Variants in SKA3 observed in about 807,000 individuals in gnomAD.
SKA3 encodes spindle and kinetochore-associated protein 3.
In SKA3, 39 loss-of-function variants were observed where a neutral mutation model predicts 44.2. The observed-to-expected ratio is 0.88, with a 90% CI of 0.68 to 1.15. SKA3 has a LOEUF of 1.15. SKA3 is among the 50% of genes most tolerant of loss of function. The pLI is 0.00. For synonymous variants in SKA3, 192 were observed against 172.0 expected (o/e 1.12, Z -0.91); for missense variants, 511 against 485.8 (o/e 1.05, Z -0.49).
rs1431661296 is a variant in SKA3 at position 21,176,463 on chromosome 13, C to T, written c.15G>A (p.Arg5=). Residue 5 remains arginine, a synonymous_variant, in exon 1 of 9, where the codon CGG becomes CGA. Transcript: ENST00000314759. MDPI[R]SFCGKLRSLA... ...GAGACCGCAGCTTCCCGCAGAAGCTCCGGATAGGGTCCATGCTGAGCACAG... is the reference window on the plus strand; with the variant it reads ...GAGACCGCAGCTTCCCGCAGAAGCTTCGGATAGGGTCCATGCTGAGCACAG... The T allele has an allele frequency of 1.9e-6, 3 of 1,572,220 alleles. No homozygotes were observed. The Admixed American group carries it at 5.5e-5, about 29-fold the overall frequency.
chr13:21,176,503 A>G lies in SKA3; in HGVS notation c.-26T>C. On this transcript the variant is annotated 5_prime_UTR_variant, in exon 1 of 9. Transcript: ENST00000314759. ...GCTGAGCACAGCGGGGAAGGACTCC[A>G]GGCGTACGCAGACCCCACCGCTCAG... is the stretch of plus-strand genomic sequence containing the variant. The G allele has an allele frequency of 1.4e-6, 2 of 1,460,028 alleles. No homozygotes were observed. Among genetic ancestry groups the G allele is most frequent in the African/African-American group, 1.5e-5 (1 of 67,950 alleles). 90.4% of individuals were successfully genotyped at this position (1,460,028 alleles called of 1,614,324 possible). A position where few individuals can be genotyped will look rare whatever the true frequency, so the allele number is the denominator to read the frequency against.
At position 21,168,360 on chromosome 13, in the gene SKA3, G is replaced by C. The variant is rs1342346913; in HGVS notation, c.371C>G (p.Ser124Cys). ...QEAINSDPEL[S>C]NCENFQKTDV... ...AGTCTTCTGAAAATTTTCACAATTA[G>C]ACAACTCTGGGTCAGAGTTAATGGC... Residue 124 changes from serine to cysteine, a missense_variant, in exon 4 of 9, where the codon TCT (serine) becomes TGT (cysteine). Transcript: ENST00000314759. 3 of 1,613,730 alleles carry C rather than the reference G, an allele frequency of 1.9e-6. No homozygotes were observed. The highest frequency in any genetic ancestry group is 2.5e-6 in the Non-Finnish European group (3 of 1,179,902).
chr13:21,157,326 A>C (rs1398368493), intron 7 of SKA3, among the ~76,000 whole-genome samples: 1 of 152,232 alleles, frequency 6.6e-6, no homozygotes, highest in Non-Finnish European at 1.5e-5. Context: ...CAGTACTTAC[A>C]CAAACCTAGA....
chr13:21,175,497 C>G (rs1367417242), intron 1 of SKA3, among the ~76,000 whole-genome samples: 1 of 150,488 alleles, frequency 6.6e-6, no homozygotes, highest in Non-Finnish European at 1.5e-5. Flanking sequence ...AGAATGGTCT[C>G]GATCTCCTGA....
At chr13:21,155,275 T>G in intron 8 of SKA3, 125 bp from the exon 9 acceptor site, 1 of 718,810 alleles carries the variant, frequency 1.4e-6, no homozygotes, top group Non-Finnish European at 2.2e-6. Flanking sequence ...CCCACTGATA[T>G]CATTAAACTG....
At chr13:21,157,563 A>G (rs1281520245) in intron 7 of SKA3, among the ~76,000 whole-genome samples, 6 of 152,224 alleles carry the variant, frequency 3.9e-5, no homozygotes, top group African/African-American at 9.6e-5. Flanking sequence ...GCAGCACATG[A>G]CTATATTCTA....
intron 5 of SKA3, among the ~76,000 whole-genome samples, chr13:21,160,728 G>C (rs1020247331): frequency 3.3e-5 from 5 of 152,108 alleles, no homozygotes; most frequent in African/African-American, 1.2e-4. Flanking sequence ...TCTACTCCTA[G>C]ATATGAGAAA....
chr13:21,167,348 C>CT (rs1054316830), intron 4 of SKA3, among the ~76,000 whole-genome samples: 72 of 152,120 alleles, frequency 4.7e-4, no homozygotes, highest in Admixed American at 8.5e-4. Flanking sequence ...CTACAAATAT[C>CT]TTTTTTTCAG....
chr13:21,167,815 C>T (rs1482895904), intron 4 of SKA3, among the ~76,000 whole-genome samples, 173 bp downstream of exon 4: 1 of 147,358 alleles, frequency 6.8e-6, no homozygotes, highest in Non-Finnish European at 1.5e-5. Context: ...ATTGATGTAA[C>T]CAAACACCAT....
chr13:21,161,974 T>C (rs893330684), intron 4 of SKA3, 99 bp from the exon 5 acceptor site: 28 of 624,912 alleles, frequency 4.5e-5, no homozygotes, highest in Non-Finnish European at 6.5e-5. Context: ...TGGACAAACA[T>C]TCAGTTATGC....
chr13:21,156,697 T>C (rs992923870), intron 7 of SKA3, among the ~76,000 whole-genome samples: 2 of 152,196 alleles, frequency 1.3e-5, no homozygotes, highest in African/African-American at 4.8e-5. Flanking sequence ...CATCTGAGTA[T>C]TTTCCGAAGT....
intron 1 of SKA3, among the ~76,000 whole-genome samples, chr13:21,172,992 G>C (rs1265208674): frequency 2.0e-5 from 3 of 152,186 alleles, no homozygotes; most frequent in African/African-American, 7.2e-5. Flanking sequence ...ATCTACGTTT[G>C]TGTTACATAT....
chr13:21,165,602 TTTC>T (rs1287487532), intron 4 of SKA3, among the ~76,000 whole-genome samples: 2 of 152,104 alleles, frequency 1.3e-5, no homozygotes, highest in Non-Finnish European at 2.9e-5. Flanking sequence ...CACAGAAATA[TTTC>T]TTATTTCCTA....
At chr13:21,172,597 A>G (rs1395084834) in intron 2 of SKA3, 23 bp downstream of exon 2, 1 of 1,546,726 alleles carries the variant, frequency 6.5e-7, no homozygotes, top group Non-Finnish European at 8.7e-7. Flanking sequence ...AAAAATAATA[A>G]ATCAATATTG....
rs1385533563 is a variant in SKA3 at position 21,159,958 on chromosome 13, G to A, written c.859C>T (p.Pro287Ser). 1 of 1,607,290 alleles carries A rather than the reference G, an allele frequency of 6.2e-7. No homozygotes were observed. The highest frequency in any genetic ancestry group is 8.5e-7 in the Non-Finnish European group (1 of 1,177,420). ...TTCAAACCAGGAGTACAGAATGTAG[G>A]TACCAAAGGAGAGTTGGTATATTCG... ...DAEYTNSPLV[P>S]TFCTPGLKIP... The change falls in exon 6 of 9, where the codon CCT (proline) becomes TCT (serine). Residue 287 changes from proline to serine, a missense_variant. By Grantham distance (74) the Pro-to-Ser change is moderately conservative. Transcript: ENST00000314759.
chr13:21,155,880 T>G (rs1230987105), intron 7 of SKA3, 69 bp from the exon 8 acceptor site: 1 of 801,002 alleles, frequency 1.2e-6, no homozygotes, highest in African/African-American at 1.7e-5. Context: ...TTGGAAGAAG[T>G]TACAAAATGT....
rs1355061041 is a variant in SKA3 at position 21,157,037 on chromosome 13, G to A, written c.1119+885C>T. Among the ~76,000 whole-genome samples the A allele has an allele frequency of 4.5e-3, 15 of 3,322 alleles. 6 individuals are homozygous for A. The highest frequency in any genetic ancestry group is 7.4e-3 in the African/African-American group (14 of 1,888). The allele number at this position is 3,322 out of a possible 152,430, so 2.2% of individuals were successfully genotyped here. ...ATTGCGCCACTGCAGTCCGCAGTCC[G>A]ACCTGGGCGACAGAGCGAGACTCCG... On this transcript the variant is annotated intron_variant, in intron 7 of 8. Coordinates refer to ENST00000314759, the MANE Select transcript of SKA3 (RefSeq NM_145061.6).
At position 21,168,518 on chromosome 13, in the gene SKA3, A is replaced by T. The variant is rs1870863825; in HGVS notation, c.332-119T>A. The T allele has an allele frequency of 3.4e-5, 30 of 874,314 alleles. No individual in the cohort carries two copies. The Middle Eastern group carries it at 1.9e-3, about 54-fold the overall frequency. The allele number at this position is 874,314 out of a possible 1,614,324, so 54.2% of individuals were successfully genotyped here. A position where few individuals can be genotyped will look rare whatever the true frequency, so the allele number is the denominator to read the frequency against. ...AAATCAGCAAAAGTTCCAATTGTCTAAACATTTTATTTATTTAGTATTTAT... is the reference window on the plus strand; with the variant it reads ...AAATCAGCAAAAGTTCCAATTGTCTTAACATTTTATTTATTTAGTATTTAT... On this transcript the variant is annotated intron_variant, in intron 3 of 8. Transcript: ENST00000314759.
chr13:21,163,593 C>T lies in SKA3; in HGVS notation c.744-1718G>A, dbSNP rs545120662. ...ACCTGTCTTTTTTGGTATTCTCTCT[C>T]TTAACATTAATAAGCCTAGTTAAAA... On this transcript the variant is annotated intron_variant, in intron 4 of 8. Coordinates refer to ENST00000314759, the MANE Select transcript of SKA3 (RefSeq NM_145061.6). Among the ~76,000 whole-genome samples, 21 of 152,184 alleles carry T rather than the reference C, an allele frequency of 1.4e-4. No individual in the cohort carries two copies. The East Asian group carries it at 4.0e-3, about 29-fold the overall frequency.
Sources: allele counts gnomAD v4.1 joint callset (sites outside exome capture counted in the v4.1 genomes callset), GRCh38; gene constraint gnomAD v4.1.1; transcripts MANE v1.5; gene names NCBI Gene and HGNC (gene_info 2026-07-23, HGNC 2026-07-21).